PROS1: variants seen among roughly 807,000 people sequenced by gnomAD.
PROS1 encodes the protein vitamin K-dependent protein S.
Under a neutral mutation model 75.9 loss-of-function variants are expected in PROS1, and 29 were observed. The ratio of observed to expected loss-of-function variants is 0.38; its 90% CI spans 0.28 to 0.52. The LOEUF (loss-of-function observed/expected upper bound fraction) is 0.52, where lower values mean the gene tolerates loss of function less well. PROS1 is among the 20% of genes least tolerant of loss of function. The probability of loss-of-function intolerance (pLI) is 0.83; values close to 1 mark genes in which losing one functional copy is unlikely to be tolerated. For synonymous variants in PROS1, 245 were observed against 280.6 expected, an observed-to-expected ratio of 0.87 and a Z score of 1.27; for missense variants, 680 against 810.3, an observed-to-expected ratio of 0.84 and a Z score of 1.95.
intron 7 of PROS1, among the ~76,000 whole-genome samples, chr3:93,900,342 A>G (rs1708572531): frequency 6.6e-6 from 1 of 152,202 alleles, no homozygotes; most frequent in African/African-American, 2.4e-5. Flanking sequence ...TTTATTTTAG[A>G]ATAAATGATT....
intron 9 of PROS1, among the ~76,000 whole-genome samples, chr3:93,896,162 A>T (rs990046606): frequency 6.6e-6 from 1 of 152,170 alleles, no homozygotes; most frequent in Non-Finnish European, 1.5e-5. Flanking sequence ...GCAAGTTTAA[A>T]TTTTTTCCTT....
chr3:93,908,374 A>C (rs1232042388), intron 4 of PROS1, among the ~76,000 whole-genome samples: 1 of 152,224 alleles, frequency 6.6e-6, no homozygotes, highest in East Asian at 1.9e-4. Context: ...GCAACAGTGC[A>C]AGAAACACAA....
intron 12 of PROS1, among the ~76,000 whole-genome samples, chr3:93,880,200 T>C (rs538980311): frequency 6.6e-6 from 1 of 152,284 alleles, no homozygotes; most frequent in East Asian, 1.9e-4. Context: ...ATTATAATCC[T>C]GTAACTCCCA....
chr3:93,952,725 G>T (rs1245488697), intron 1 of PROS1, among the ~76,000 whole-genome samples: 1 of 152,070 alleles, frequency 6.6e-6, no homozygotes, highest in African/African-American at 2.4e-5. Flanking sequence ...AAATAACTAA[G>T]ATCAGAGCAG....
intron 1 of PROS1, among the ~76,000 whole-genome samples, chr3:93,938,697 A>G (rs1709229646): frequency 6.6e-6 from 1 of 151,748 alleles, no homozygotes; most frequent in African/African-American, 2.4e-5. Context: ...TTTCCTCTCT[A>G]GTAGAGACAA....
chr3:93,878,277 A>T (rs1190602335), intron 13 of PROS1, among the ~76,000 whole-genome samples: 8 of 152,202 alleles, frequency 5.3e-5, no homozygotes, highest in Admixed American at 5.2e-4. Flanking sequence ...AAGGCAGGAG[A>T]TTAAAACAAA....
intron 3 of PROS1, among the ~76,000 whole-genome samples, chr3:93,918,078 T>A (rs941326850): frequency 2.2e-4 from 33 of 152,176 alleles, no homozygotes; most frequent in African/African-American, 8.0e-4. Flanking sequence ...AGAACCTTTA[T>A]GTCTAGCTCA....
intron 1 of PROS1, 122 bp downstream of exon 1, chr3:93,973,552 T>G: frequency 1.0e-6 from 1 of 999,654 alleles, no homozygotes. Flanking sequence ...TGGGTGTCTG[T>G]CGGTACTTAC....
chr3:93,964,389 G>C (rs1205568306), intron 1 of PROS1, among the ~76,000 whole-genome samples: 1 of 152,016 alleles, frequency 6.6e-6, no homozygotes, highest in Non-Finnish European at 1.5e-5. Context: ...ATTCATTCCT[G>C]GGGGGCCGCT....
intron 1 of PROS1, chr3:93,958,426 A>G (rs1055358976): frequency 5.9e-5 from 9 of 152,234 alleles, no homozygotes; most frequent in Admixed American, 2.0e-4. Flanking sequence ...TACATTTGAT[A>G]AAATTCCAAC....
At chr3:93,931,474 C>T (rs1709104276) in intron 1 of PROS1, among the ~76,000 whole-genome samples, 1 of 152,154 alleles carries the variant, frequency 6.6e-6, no homozygotes. Flanking sequence ...GAATGGGCAG[C>T]TTCATGTTGA....
chr3:93,957,688 T>TG (rs1434496099), intron 1 of PROS1, among the ~76,000 whole-genome samples: 1 of 152,186 alleles, frequency 6.6e-6, no homozygotes, highest in Non-Finnish European at 1.5e-5. Context: ...GGTTGTCCTT[T>TG]AGTATTCTTG....
intron 1 of PROS1, among the ~76,000 whole-genome samples, chr3:93,960,858 A>G (rs528320377): frequency 6.6e-6 from 1 of 152,082 alleles, no homozygotes; most frequent in Non-Finnish European, 1.5e-5. Context: ...GGGCTCTAAT[A>G]AAAGTAAAAA....
At chr3:93,973,070 T>C (rs1051501876) in intron 1 of PROS1, among the ~76,000 whole-genome samples, 3 of 152,138 alleles carry the variant, frequency 2.0e-5, no homozygotes, top group African/African-American at 7.2e-5. Context: ...GCATGCAGTG[T>C]TAAAAAATCC....
At chr3:93,932,620 A>C (rs560149460) in intron 1 of PROS1, among the ~76,000 whole-genome samples, 114 of 152,350 alleles carry the variant, frequency 7.5e-4, no homozygotes, top group African/African-American at 2.7e-3. Context: ...TAATAAAACC[A>C]TTGTGCAAAC....
intron 3 of PROS1, among the ~76,000 whole-genome samples, chr3:93,914,189 G>A (rs964090548): frequency 3.9e-5 from 6 of 152,174 alleles, no homozygotes; most frequent in African/African-American, 7.2e-5. Flanking sequence ...GGGCTCTCGG[G>A]GCTTCCCAAC....
chr3:93,919,173 A>G (rs7428007), intron 3 of PROS1, among the ~76,000 whole-genome samples: 55,042 of 152,058 alleles, frequency 0.36, 11,286 homozygotes, highest in East Asian at 0.55. Flanking sequence ...CTGCATAACA[A>G]TTTCTTTGGA....
At chr3:93,969,600 T>C (rs1403124693) in intron 1 of PROS1, among the ~76,000 whole-genome samples, 1 of 152,036 alleles carries the variant, frequency 6.6e-6, no homozygotes, top group Non-Finnish European at 1.5e-5. Flanking sequence ...CAGAATTGAG[T>C]CATCTGATTG....
intron 1 of PROS1, among the ~76,000 whole-genome samples, chr3:93,972,615 G>T (rs1406289068): frequency 6.6e-6 from 1 of 151,590 alleles, no homozygotes; most frequent in Non-Finnish European, 1.5e-5. Context: ...AAGGCGGATG[G>T]ATCACCGGAG....
Sources: allele counts gnomAD v4.1 joint callset (sites outside exome capture counted in the v4.1 genomes callset), GRCh38; gene constraint gnomAD v4.1.1; transcripts MANE v1.5; gene names NCBI Gene and HGNC (gene_info 2026-07-23, HGNC 2026-07-21).